The following KPNA7 variants were observed in gnomAD, a reference collection of about 807,000 sequenced individuals.
The protein encoded by KPNA7 is karyopherin subunit alpha 7.
In KPNA7, 54 loss-of-function variants were observed where a neutral mutation model predicts 53.7. The observed-to-expected ratio is 1.01, with a 90% CI of 0.81 to 1.26. The LOEUF (loss-of-function observed/expected upper bound fraction) is 1.26. Among genes scored for constraint, KPNA7 ranks in the 50% most tolerant of loss-of-function variants. The pLI is 0.00. For synonymous variants in KPNA7, 276 were observed against 259.3 expected (o/e 1.06, Z -0.62); for missense variants, 640 against 644.5 (o/e 0.99, Z 0.07).
At chr7:99,183,408 A>C (rs1466328698) in intron 8 of KPNA7, among the ~76,000 whole-genome samples, 1 of 152,214 alleles carries the variant, frequency 6.6e-6, no homozygotes, top group Admixed American at 6.5e-5. Flanking sequence ...AAAACAAAAC[A>C]AAACAAATAA....
At chr7:99,148,173 GAACA>G in the KPNA7 span, among the ~76,000 whole-genome samples, 3 of 152,062 alleles carry the variant, frequency 2.0e-5, no homozygotes, top group Non-Finnish European at 2.9e-5. Flanking sequence ...AAGCTATCTG[GAACA>G]AACAGATGCA....
chr7:99,208,259 ATTTAT>A (rs1338256727), upstream of KPNA7, among the ~76,000 whole-genome samples: 3 of 150,986 alleles, frequency 2.0e-5, no homozygotes, highest in African/African-American at 4.9e-5. Flanking sequence ...TATTTATTTT[ATTTAT>A]TTATTTTTTG....
chr7:99,196,152 C>T lies in KPNA7; in HGVS notation c.216G>A (p.Leu72=), dbSNP rs61751721. 1.9e-6 allele frequency: 3 copies of T among 1,551,736 alleles called. No homozygotes were observed. Among genetic ancestry groups the T allele is most frequent in the Admixed American group, 3.9e-5 (2 of 50,998 alleles). Residue 72 remains leucine, a synonymous_variant, in exon 4 of 11, where the codon CTG becomes CTA. Coordinates refer to ENST00000327442, the MANE Select transcript of KPNA7 (RefSeq NM_001145715.3). ...TAKGVAVSLT[L]GEIIKGVNSS... ...TATTCACACCTTTGATTATTTCACC[C>T]AGAGTGAGGCTGACCTGCAAGAAGA...
the KPNA7 span, among the ~76,000 whole-genome samples, chr7:99,166,073 T>C: frequency 6.6e-6 from 1 of 152,110 alleles, no homozygotes; most frequent in South Asian, 2.1e-4. Context: ...CTTCACCTTC[T>C]GCCATGATTG....
rs1419289715 is a variant in KPNA7 at position 99,196,153 on chromosome 7, AGAGT to A, written c.211_214del (p.Thr71TrpfsTer4). On this transcript the variant is annotated frameshift_variant, in exon 4 of 11. Coordinates refer to ENST00000327442, the MANE Select transcript of KPNA7 (RefSeq NM_001145715.3). LOFTEE classifies it high-confidence loss of function. ...ATTCACACCTTTGATTATTTCACCCAGAGTGAGGCTGACCTGCAAGAAGAGACAC... is the reference window on the plus strand; with the variant it reads ...ATTCACACCTTTGATTATTTCACCCAGAGGCTGACCTGCAAGAAGAGACAC... 56 of 1,551,658 alleles carry A rather than the reference AGAGT, an allele frequency of 3.6e-5. No individual in the cohort carries two copies. Among genetic ancestry groups the A allele is most frequent in the Non-Finnish European group, 4.9e-5 (56 of 1,146,962 alleles).
At chr7:99,204,175 T>C (rs1279592889) in intron 2 of KPNA7, among the ~76,000 whole-genome samples, 1 of 151,946 alleles carries the variant, frequency 6.6e-6, no homozygotes, top group African/African-American at 2.4e-5. Flanking sequence ...GGCCAGGAAT[T>C]CTAGACCAGC....
At chr7:99,160,502 G>A in the KPNA7 span, among the ~76,000 whole-genome samples, 1 of 151,748 alleles carries the variant, frequency 6.6e-6, no homozygotes, top group Non-Finnish European at 1.5e-5. Flanking sequence ...TGTTGCCCAG[G>A]TGGGTTTTGA....
Position 99,195,311 on chromosome 7 carries a change from G to T in KPNA7, c.312C>A (p.Pro104=). Residue 104 remains proline, a synonymous_variant, in exon 5 of 11, where the codon CCC becomes CCA. Transcript: ENST00000327442. The part of the protein sequence containing the change: ...ARKMLSQEKN[P]PLKLVIEAGL... ...CCGCTTCAATGACCAGTTTCAGAGG[G>T]GGGTTCTTTTCCTGGGATAGCATTT... The T allele has an allele frequency of 6.4e-7, 1 of 1,551,610 alleles. No individual in the cohort carries two copies. The highest frequency in any genetic ancestry group is 1.4e-5 in the African/African-American group (1 of 73,128).
intron 10 of KPNA7, among the ~76,000 whole-genome samples, chr7:99,175,842 T>C (rs934396465): frequency 1.3e-5 from 2 of 151,998 alleles, no homozygotes; most frequent in Admixed American, 1.3e-4. Context: ...AAATCAAGAC[T>C]AACTGCCCCA....
At chr7:99,160,163 T>G in the KPNA7 span, among the ~76,000 whole-genome samples, 16 of 151,666 alleles carry the variant, frequency 1.1e-4, no homozygotes, top group East Asian at 2.1e-3. Context: ...TAGCTGGGAC[T>G]ACAGGTGCCC....
At chr7:99,176,061 G>T (rs1171395457) in intron 10 of KPNA7, among the ~76,000 whole-genome samples, 5 of 151,862 alleles carry the variant, frequency 3.3e-5, no homozygotes, top group Non-Finnish European at 7.4e-5. Flanking sequence ...ACTTTGGGAG[G>T]CCCGAGGCAG....
intron 9 of KPNA7, 35 bp from the exon 10 acceptor site, chr7:99,178,101 G>A (rs1460046642): frequency 6.5e-7 from 1 of 1,544,998 alleles, no homozygotes; most frequent in Non-Finnish European, 8.7e-7. Context: ...GAGACCCCCG[G>A]CAGGAGCCTT....
chr7:99,209,682 C>CA (rs60377276), upstream of KPNA7, among the ~76,000 whole-genome samples: 126 of 73,542 alleles, frequency 1.7e-3, 2 homozygotes, highest in South Asian at 5.3e-3. Context: ...GACTCCAACT[C>CA]AAAAAAAAAA....
At chr7:99,196,374 T>C (rs1790231098) in intron 3 of KPNA7, among the ~76,000 whole-genome samples, 2 of 152,254 alleles carry the variant, frequency 1.3e-5, no homozygotes, top group East Asian at 3.9e-4. Flanking sequence ...GGAGAAGTAA[T>C]TCCTATCATT....
At chr7:99,149,935 AC>A in the KPNA7 span, among the ~76,000 whole-genome samples, 2 of 151,304 alleles carry the variant, frequency 1.3e-5, no homozygotes, top group East Asian at 3.9e-4. Flanking sequence ...GCTCAGACAG[AC>A]TGCAGGCACG....
chr7:99,188,566 G>C lies in KPNA7; in HGVS notation c.637-3C>G, dbSNP rs1584284445. On this transcript the variant is annotated splice_region_variant and splice_polypyrimidine_tract_variant and intron_variant, in intron 6 of 10. Coordinates refer to ENST00000327442, the MANE Select transcript of KPNA7 (RefSeq NM_001145715.3). ...GTGATGTTCCGCAGAAATGTGATCT[G>C]TAACAAGGAGACTGCCTCCAGCATT... 6.5e-7 allele frequency: 1 copy of C among 1,548,958 alleles called. No individual in the cohort carries two copies. The highest frequency in any genetic ancestry group is 8.7e-7 in the Non-Finnish European group (1 of 1,144,574).
In KPNA7 at chr7:99,214,992, T is replaced by A. The variant is rs569834493; in HGVS notation, c.-23-7503A>T. ...GCCAGTTTGGTACAAGGGGCTGCAA[T>A]CCTGCCTCTGGGAAAACCCAAGACA... On this transcript the variant is annotated intron_variant, in intron 1 of 10. Transcript: ENST00000681060. Among the ~76,000 whole-genome samples the A allele has an allele frequency of 2.0e-5, 3 of 152,110 alleles. No homozygotes were observed. The East Asian group carries it at 5.8e-4, about 29-fold the overall frequency.
At chr7:99,148,895 G>GT in the KPNA7 span, among the ~76,000 whole-genome samples, 56,228 of 112,582 alleles carry the variant, frequency 0.5, 15,722 homozygotes, top group East Asian at 0.64. Context: ...CCCAAGAACC[G>GT]TTTTTTTTTT....
chr7:99,218,587 G>A (rs1379842359), intron 1 of KPNA7, among the ~76,000 whole-genome samples: 1 of 152,146 alleles, frequency 6.6e-6, no homozygotes, highest in Non-Finnish European at 1.5e-5. Flanking sequence ...GCTCTGCAGA[G>A]TAAACAGACC....
Sources: allele counts gnomAD v4.1 joint callset (sites outside exome capture counted in the v4.1 genomes callset), GRCh38; gene constraint gnomAD v4.1.1; transcripts MANE v1.5; gene names NCBI Gene and HGNC (gene_info 2026-07-23, HGNC 2026-07-21).